The following RBM47 variants were observed in gnomAD, a reference collection of about 807,000 sequenced individuals.
The protein encoded by RBM47 is RNA-binding protein 47.
Under a neutral mutation model 47.1 loss-of-function variants are expected in RBM47, and 21 were observed. The ratio of observed to expected loss-of-function variants is 0.45; its 90% CI spans 0.32 to 0.64. The LOEUF (loss-of-function observed/expected upper bound fraction) is 0.64, where lower values mean the gene tolerates loss of function less well. Ranked by LOEUF, RBM47 falls within the 30% of genes least tolerant of loss-of-function variation. The pLI is 0.05. For synonymous variants in RBM47, 375 were observed against 361.7 expected (o/e 1.04, Z -0.42); for missense variants, 708 against 870.9 (o/e 0.81, Z 2.35).
At position 40,423,650 on chromosome 4, in the gene RBM47, CTT is replaced by C. The variant is rs1193309051; in HGVS notation, c.*2252_*2253del. ...TATCATTTTTTTTTATTCTTTCTTT[CTT>C]TTTCTTTCTTTCTTTCTTTCTTTCT... On this transcript the variant is annotated 3_prime_UTR_variant, in exon 7 of 7. Transcript: ENST00000295971. 544 of 135,012 alleles carry C rather than the reference CTT, an allele frequency of 4.0e-3. 2 individuals are homozygous for C. The highest frequency in any genetic ancestry group is 6.0e-3 in the Non-Finnish European group (376 of 62,480). The allele number at this position is 135,012 out of a possible 1,614,324, so 8.4% of individuals were successfully genotyped here. A position where few individuals can be genotyped will look rare whatever the true frequency, so the allele number is the denominator to read the frequency against.
intron 2 of RBM47, among the ~76,000 whole-genome samples, chr4:40,498,054 TTATATATATATATA>T (rs6148409): frequency 3.6e-5 from 4 of 109,870 alleles, no homozygotes; most frequent in African/African-American, 1.3e-4. Flanking sequence ...AGTGCTTGTT[TTATATATATATATA>T]TATATATATA....
At chr4:40,536,982 T>G (rs539513922) in intron 2 of RBM47, among the ~76,000 whole-genome samples, 1 of 152,116 alleles carries the variant, frequency 6.6e-6, no homozygotes, top group Non-Finnish European at 1.5e-5. Context: ...GCGCCCAGCC[T>G]GCCTTTTCAG....
chr4:40,501,945 T>G (rs945918776), intron 2 of RBM47: 1 of 153,178 alleles, frequency 6.5e-6, no homozygotes, highest in Non-Finnish European at 1.5e-5. Flanking sequence ...AGAGGCAGAA[T>G]TCCCTTTCTG....
chr4:40,545,666 A>AAAATAAATAAATAAATAAATAAAT (rs150331418), intron 1 of RBM47, among the ~76,000 whole-genome samples: 47 of 133,608 alleles, frequency 3.5e-4, no homozygotes, highest in African/African-American at 5.2e-4. Flanking sequence ...CTCCTTCTCA[A>AAAATAAATAAATAAATAAATAAAT]AAATAAATAA....
intron 2 of RBM47, among the ~76,000 whole-genome samples, chr4:40,475,525 CTG>C (rs920834198): frequency 3.1e-4 from 47 of 152,176 alleles, no homozygotes; most frequent in African/African-American, 1.1e-3. Context: ...GTAAGGCAGA[CTG>C]TGCAGCAGTT....
intron 2 of RBM47, chr4:40,543,327 G>C (rs1728722244): frequency 6.6e-6 from 1 of 152,104 alleles, no homozygotes; most frequent in African/African-American, 2.4e-5. Context: ...TTGCAGGAGG[G>C]GAACCTTGGA....
chr4:40,511,437 T>A (rs139919103), intron 2 of RBM47, among the ~76,000 whole-genome samples: 2 of 152,344 alleles, frequency 1.3e-5, no homozygotes, highest in East Asian at 3.9e-4. Context: ...GAGACGTTAC[T>A]CAATTATATG....
intron 1 of RBM47, among the ~76,000 whole-genome samples, chr4:40,554,320 T>C (rs968861453): frequency 4.0e-5 from 6 of 148,734 alleles, no homozygotes; most frequent in Admixed American, 6.9e-5. Flanking sequence ...CAGTAACATC[T>C]GGGGGCTGCT....
intron 1 of RBM47, among the ~76,000 whole-genome samples, chr4:40,571,578 A>C (rs1427568209): frequency 6.6e-6 from 1 of 152,082 alleles, no homozygotes; most frequent in Non-Finnish European, 1.5e-5. Flanking sequence ...CAAAAATCAC[A>C]ATAAAAGATT....
chr4:40,551,783 G>A (rs187577015), intron 1 of RBM47, among the ~76,000 whole-genome samples: 1 of 151,884 alleles, frequency 6.6e-6, no homozygotes, highest in East Asian at 1.9e-4. Context: ...CAAGTACCTG[G>A]GATTACAGGA....
At chr4:40,601,870 A>G (rs2154277499) in intron 1 of RBM47, among the ~76,000 whole-genome samples, 1 of 152,310 alleles carries the variant, frequency 6.6e-6, no homozygotes, top group South Asian at 2.1e-4. Context: ...TTTAGGGGAA[A>G]TTAAGAAATC....
chr4:40,510,598 G>C lies in RBM47; in HGVS notation c.-155+33824C>G, dbSNP rs544991027. ...GTCACCTTGAAGAGGTGACATTCAAGAACTGTGAGATGAGACCCTATCCCA... is the reference window on the plus strand; with the variant it reads ...GTCACCTTGAAGAGGTGACATTCAACAACTGTGAGATGAGACCCTATCCCA... On this transcript the variant is annotated intron_variant, in intron 2 of 6. Coordinates refer to ENST00000295971, the MANE Select transcript of RBM47 (RefSeq NM_001098634.2). 4.6e-5 allele frequency among the ~76,000 whole-genome samples: 7 copies of C among 152,256 alleles called. 1 individual carries two copies. In the South Asian group the frequency reaches 1.5e-3, roughly 32 times the overall value.
intron 2 of RBM47, among the ~76,000 whole-genome samples, chr4:40,488,544 G>A (rs988765342): frequency 1.3e-5 from 2 of 152,110 alleles, no homozygotes; most frequent in African/African-American, 4.8e-5. Flanking sequence ...AGCAAGGCCG[G>A]CAATTGGTCT....
intron 1 of RBM47, among the ~76,000 whole-genome samples, chr4:40,578,418 A>C (rs1377848273): frequency 6.6e-6 from 1 of 152,234 alleles, no homozygotes; most frequent in Non-Finnish European, 1.5e-5. Flanking sequence ...CTAGAAACTC[A>C]AATAAAAGCA....
chr4:40,559,310 TCAAA>T (rs1356310906), intron 1 of RBM47, among the ~76,000 whole-genome samples: 1 of 152,216 alleles, frequency 6.6e-6, no homozygotes, highest in African/African-American at 2.4e-5. Context: ...GCTGTGTTTC[TCAAA>T]CAATTACAGG....
Position 40,459,745 on chromosome 4 carries a change from T to C in RBM47, c.-32+6832A>G, listed in dbSNP as rs183805313. Reference sequence around the variant, plus strand: ...CAGGAGTTGGCATTTCTTTCTTTCTTCTTTCTTTTTTTGAGACAGAGTTTC... The same window carrying C: ...CAGGAGTTGGCATTTCTTTCTTTCTCCTTTCTTTTTTTGAGACAGAGTTTC... On this transcript the variant is annotated intron_variant, in intron 3 of 6. Transcript: ENST00000295971. Among the ~76,000 whole-genome samples the C allele has an allele frequency of 2.6e-5, 4 of 152,242 alleles. No individual in the cohort carries two copies. The East Asian group carries it at 7.7e-4, about 29-fold the overall frequency.
chr4:40,505,998 G>T (rs901506278), intron 2 of RBM47, among the ~76,000 whole-genome samples: 8 of 152,118 alleles, frequency 5.3e-5, no homozygotes, highest in Admixed American at 5.2e-4. Context: ...TTGGGGGTTG[G>T]GTGGGCAGTG....
Position 40,437,918 on chromosome 4 carries a change from G to T in RBM47, c.976C>A (p.Arg326Ser), listed in dbSNP as rs766350310. 2 of 1,613,798 alleles carry T rather than the reference G, an allele frequency of 1.2e-6. No individual in the cohort carries two copies. The highest frequency in any genetic ancestry group is 1.1e-5 in the South Asian group (1 of 91,070). The change falls in exon 4 of 7, where the codon CGC becomes AGC. Residue 326 changes from arginine to serine, a missense_variant. Transcript: ENST00000295971. The stretch of plus-strand genomic sequence containing the variant: ...CCGCCCCTGGCTGCCTTCTGGTAGC[G>T]CGAGTACTGCTCCTTGTCCACGGGC... ...AKPVDKEQYS[R>S]YQKAARGGGA...
intron 2 of RBM47, among the ~76,000 whole-genome samples, chr4:40,474,539 C>T (rs1719342759): frequency 6.6e-6 from 1 of 152,168 alleles, no homozygotes; most frequent in Non-Finnish European, 1.5e-5. Context: ...AACTGAAATT[C>T]TTGGATATTT....
Sources: gnomAD v4.1 joint callset for allele counts (sites outside exome capture counted in the v4.1 genomes callset) on GRCh38, gnomAD v4.1.1 for gene constraint, MANE v1.5 for transcripts, NCBI Gene and HGNC (gene_info 2026-07-23, HGNC 2026-07-21) for gene names.